The following LCP1 variants were observed in gnomAD, a reference collection of about 807,000 sequenced individuals.
The protein encoded by LCP1 is lymphocyte cytosolic protein 1, also known as plastin-2.
In LCP1, 23 loss-of-function variants were observed where a neutral mutation model predicts 72.0. The observed-to-expected ratio is 0.32, with a 90% confidence interval of 0.23 to 0.45. LCP1 has a LOEUF of 0.45. Ranked by LOEUF, LCP1 falls within the 20% of genes least tolerant of loss-of-function variation. LCP1 has a pLI of 1.00. For missense variants in LCP1, 571 were observed against 748.3 expected (o/e 0.76, Z 2.76); for synonymous variants, 245 against 275.4 (o/e 0.89, Z 1.09).
intron 12 of LCP1, chr13:46,142,898 T>C (rs1427486794): frequency 1.5e-5 from 6 of 391,046 alleles, no homozygotes; most frequent in Non-Finnish European, 3.0e-5. Context: ...GTCAACCCTG[T>C]TGTTTCAAAA....
rs1035942104 is a variant in LCP1 at position 46,146,327 on chromosome 13, A to AT, written c.1174+580dup. ...GTCTCAATATTGGGACTAGTTCATGATTTTTTTAAAAAAGTCAAGTAAACA... is the reference window on the plus strand; with the variant it reads ...GTCTCAATATTGGGACTAGTTCATGATTTTTTTTAAAAAAGTCAAGTAAACA... On this transcript the variant is annotated intron_variant, in intron 10 of 15. Transcript: ENST00000323076. Among the ~76,000 whole-genome samples, 4 of 152,162 alleles carry AT rather than the reference A, an allele frequency of 2.6e-5. No individual in the cohort carries two copies. In the East Asian group the frequency reaches 5.8e-4, roughly 22 times the overall value.
At chr13:46,165,530 A>G (rs2045871593) in intron 1 of LCP1, among the ~76,000 whole-genome samples, 1 of 152,228 alleles carries the variant, frequency 6.6e-6, no homozygotes, top group African/African-American at 2.4e-5. Context: ...GCAGCAAACT[A>G]TACAGATACT....
intron 1 of LCP1, among the ~76,000 whole-genome samples, chr13:46,169,038 G>A (rs554547370): frequency 1.3e-5 from 2 of 152,248 alleles, no homozygotes; most frequent in Non-Finnish European, 2.9e-5. Flanking sequence ...TGATCTATCT[G>A]GCCACTCCCC....
chr13:46,158,725 T>C, intron 3 of LCP1, 74 bp from the exon 4 acceptor site: 4 of 1,605,328 alleles, frequency 2.5e-6, no homozygotes, highest in Non-Finnish European at 3.4e-6. Context: ...ATATGTAATG[T>C]CGAAGCAAGG....
At chr13:46,157,127 T>C (rs867011520) in intron 4 of LCP1, among the ~76,000 whole-genome samples, 1 of 151,792 alleles carries the variant, frequency 6.6e-6, no homozygotes, top group African/African-American at 2.4e-5. Context: ...GCCAAAACTA[T>C]CTCTCTGTTC....
At chr13:46,166,947 T>G (rs2045879718) in intron 1 of LCP1, among the ~76,000 whole-genome samples, 1 of 152,224 alleles carries the variant, frequency 6.6e-6, no homozygotes, top group African/African-American at 2.4e-5. Context: ...TAAAATGACT[T>G]TGTTTTTAAG....
At chr13:46,165,933 A>T (rs1445388519) in intron 1 of LCP1, among the ~76,000 whole-genome samples, 2 of 152,258 alleles carry the variant, frequency 1.3e-5, no homozygotes, top group East Asian at 1.9e-4. Context: ...TGTTCATTTT[A>T]AAAAATTATA....
chr13:46,131,009 G>A lies in LCP1; in HGVS notation c.1627-71C>T, dbSNP rs1353589584. ...ACTCCCATTCAGCTCAAAGGAAGTG[G>A]GTGGCTTTTTCTTCCTAAATATATA... On this transcript the variant is annotated intron_variant, in intron 14 of 15. Coordinates refer to ENST00000323076, the MANE Select transcript of LCP1 (RefSeq NM_002298.5). The A allele has an allele frequency of 4.1e-6, 6 of 1,470,226 alleles. No individual in the cohort carries two copies. The East Asian group carries it at 1.0e-4, about 24-fold the overall frequency. The allele number at this position is 1,470,226 out of a possible 1,614,324, so 91.1% of individuals were successfully genotyped here.
intron 5 of LCP1, among the ~76,000 whole-genome samples, chr13:46,155,370 G>A (rs560703691): frequency 6.6e-6 from 1 of 152,140 alleles, no homozygotes. Flanking sequence ...AGTGCCCTAG[G>A]CTGAGTACCA....
rs1232219541 is a variant in LCP1, at chr13:46,149,750, AAC to A, written c.882+1184_882+1185del. 5.3e-5 allele frequency among the ~76,000 whole-genome samples: 8 copies of A among 152,296 alleles called. No individual in the cohort carries two copies. In the East Asian group the frequency reaches 1.2e-3, roughly 22 times the overall value. On this transcript the variant is annotated intron_variant, in intron 8 of 15. Transcript: ENST00000323076. ...AAAGCACAAAATGGTGGTTCTAGAG[AAC>A]ACAGCCATTTAATGACAGGAAATTA...
chr13:46,128,633 T>G (rs1180808539), intron 15 of LCP1, among the ~76,000 whole-genome samples: 5 of 152,208 alleles, frequency 3.3e-5, no homozygotes, highest in Admixed American at 2.6e-4. Flanking sequence ...CACATCAATT[T>G]TTTTATTCTT....
At chr13:46,155,880 C>T (rs1466119100) in intron 5 of LCP1, among the ~76,000 whole-genome samples, 1 of 152,200 alleles carries the variant, frequency 6.6e-6, no homozygotes, top group Non-Finnish European at 1.5e-5. Flanking sequence ...CATCCTGCTG[C>T]TATTATCAAT....
intron 4 of LCP1, among the ~76,000 whole-genome samples, chr13:46,157,790 A>C (rs142959067): frequency 0.014 from 1,744 of 125,730 alleles, 19 homozygotes; most frequent in Non-Finnish European, 0.019. Context: ...TTCTGTCGCC[A>C]GGCTGGAGTG....
chr13:46,160,806 TGG>T (rs1470855430), intron 1 of LCP1, among the ~76,000 whole-genome samples: 2 of 151,950 alleles, frequency 1.3e-5, no homozygotes, highest in African/African-American at 4.8e-5. Flanking sequence ...ATAAGTGGAG[TGG>T]GAGTGTGGGG....
Position 46,136,074 on chromosome 13 carries a change from TACACACACACACACAC to T in LCP1, c.1503-1840_1503-1825del, listed in dbSNP as rs58984200. ...CTCTGCTTCCTTGCCCATCGTGTGCTACACACACACACACACACACACACACACACACACACACAAA... is the reference window on the plus strand; with the variant it reads ...CTCTGCTTCCTTGCCCATCGTGTGCTACACACACACACACACACACACAAA... On this transcript the variant is annotated intron_variant, in intron 13 of 15. Coordinates refer to ENST00000323076, the MANE Select transcript of LCP1 (RefSeq NM_002298.5). Among the ~76,000 whole-genome samples, 19 of 144,032 alleles carry T rather than the reference TACACACACACACACAC, an allele frequency of 1.3e-4. No individual in the cohort carries two copies. The East Asian group carries it at 2.9e-3, about 22-fold the overall frequency. 94.5% of individuals were successfully genotyped at this position (144,032 alleles called of 152,430 possible). A position where few individuals can be genotyped will look rare whatever the true frequency, so the allele number is the denominator to read the frequency against.
In LCP1 at chr13:46,166,270, A is replaced by C. The variant is rs538419305; in HGVS notation, c.-24-6584T>G. 6.6e-5 allele frequency among the ~76,000 whole-genome samples: 10 copies of C among 152,368 alleles called. No homozygotes were observed. In the South Asian group the frequency reaches 2.1e-3, roughly 32 times the overall value. On this transcript the variant is annotated intron_variant, in intron 1 of 15. Transcript: ENST00000323076. ...GGGGAGTTTCATAACTGATAATTAA[A>C]AGCAGAAAGGCTAGAAAAGGTGACC...
chr13:46,167,528 C>T (rs1426369107), intron 1 of LCP1, among the ~76,000 whole-genome samples: 1 of 152,180 alleles, frequency 6.6e-6, no homozygotes, highest in East Asian at 1.9e-4. Flanking sequence ...CATCTCTCTC[C>T]TTCCCTGAGC....
At chr13:46,128,340 T>G (rs1410096768) in intron 15 of LCP1, among the ~76,000 whole-genome samples, 37 of 152,244 alleles carry the variant, frequency 2.4e-4, no homozygotes, top group Admixed American at 2.4e-3. Context: ...GGCTCACGCC[T>G]GTAATCCCAA....
chr13:46,165,821 C>T (rs760145843), intron 1 of LCP1, among the ~76,000 whole-genome samples: 1 of 152,146 alleles, frequency 6.6e-6, no homozygotes, highest in Non-Finnish European at 1.5e-5. Flanking sequence ...AAGGTCACGT[C>T]TGGGCTGCTA....
Sources: gnomAD v4.1 joint callset for allele counts (sites outside exome capture counted in the v4.1 genomes callset) on GRCh38, gnomAD v4.1.1 for gene constraint, MANE v1.5 for transcripts, NCBI Gene and HGNC (gene_info 2026-07-23, HGNC 2026-07-21) for gene names.